The following CXorf58 variants were observed in gnomAD, a reference collection of about 807,000 sequenced individuals.
CXorf58 encodes the protein uncharacterized protein CXorf58.
A neutral mutation model predicts 26.0 loss-of-function variants in CXorf58; 24 were observed. The observed-to-expected ratio is 0.92, with a 90% CI of 0.67 to 1.30. CXorf58 has a LOEUF of 1.30. CXorf58 is among the 50% of genes most tolerant of loss of function. The probability of loss-of-function intolerance (pLI) is 0.00; values close to 1 mark genes in which losing one functional copy is unlikely to be tolerated. For missense variants in CXorf58, 236 were observed against 263.9 expected (o/e 0.89, Z 0.73); for synonymous variants, 87 against 86.1 (o/e 1.01, Z -0.06).
rs376505628 is a variant in CXorf58, at chrX:23,939,067, A to G, written c.940-177A>G. On this transcript the variant is annotated intron_variant, in intron 8 of 8. Transcript: ENST00000379211. ...AACTATGCTTTATAAAGTCTGCCTCAGTATACTTTTACATCATAGGAATTT... is the reference window on the plus strand; with the variant it reads ...AACTATGCTTTATAAAGTCTGCCTCGGTATACTTTTACATCATAGGAATTT... Among the ~76,000 whole-genome samples the G allele has an allele frequency of 3.3e-4, 37 of 112,237 alleles. No homozygotes were observed. In the South Asian group the frequency reaches 0.012, roughly 38 times the overall value.
chrX:23,919,759 C>T (rs148584685), intron 5 of CXorf58, among the ~76,000 whole-genome samples: 6 of 112,103 alleles, frequency 5.4e-5, no homozygotes, highest in African/African-American at 1.6e-4. Flanking sequence ...TTACAGTCTG[C>T]GCTTGTTTGT....
At chrX:23,916,978 GTTATTA>G (rs1291838099) in intron 5 of CXorf58, among the ~76,000 whole-genome samples, 2 of 110,002 alleles carry the variant, frequency 1.8e-5, no homozygotes, top group Non-Finnish European at 3.8e-5. Context: ...TTAATGGAAT[GTTATTA>G]TTTCTTTGAT....
intron 8 of CXorf58, among the ~76,000 whole-genome samples, 195 bp downstream of exon 8, chrX:23,938,895 A>G (rs1333640368): frequency 8.9e-6 from 1 of 111,886 alleles, no homozygotes; most frequent in Non-Finnish European, 1.9e-5. Flanking sequence ...ATTGGTGGCA[A>G]TTCTGATAAA....
chrX:23,935,526 A>C, intron 7 of CXorf58, 101 bp downstream of exon 7: 1 of 607,774 alleles, frequency 1.6e-6, no homozygotes, highest in East Asian at 3.5e-5. Flanking sequence ...TATATGGGGA[A>C]AATAGGGTTG....
intron 6 of CXorf58, among the ~76,000 whole-genome samples, chrX:23,929,137 C>G (rs1928088176): frequency 9.0e-6 from 1 of 110,894 alleles, no homozygotes. Flanking sequence ...ATTAAACCAG[C>G]CACTCACGCC....
At chrX:23,914,903 G>A (rs1178240670) in intron 3 of CXorf58, among the ~76,000 whole-genome samples, 1 of 110,859 alleles carries the variant, frequency 9.0e-6, no homozygotes, top group Non-Finnish European at 1.9e-5. Context: ...GGGAGGCTGA[G>A]GCGTGCGGCT....
intron 8 of CXorf58, 58 bp from the exon 9 acceptor site, chrX:23,939,186 T>C: frequency 2.7e-6 from 2 of 750,954 alleles, no homozygotes; most frequent in Non-Finnish European, 4.0e-6. Context: ...CATTAAAATA[T>C]AAAGTAGTAA....
chrX:23,923,371 G>A (rs1927917295), intron 5 of CXorf58, among the ~76,000 whole-genome samples: 1 of 110,000 alleles, frequency 9.1e-6, no homozygotes, highest in South Asian at 3.9e-4. Context: ...GTGTAGGGAG[G>A]ACCTGTCAAT....
chrX:23,909,763 A>G (rs945778483), intron 1 of CXorf58, among the ~76,000 whole-genome samples: 6 of 112,223 alleles, frequency 5.3e-5, no homozygotes, highest in African/African-American at 1.9e-4. Flanking sequence ...TCAGAAATTT[A>G]GTGTATACCC....
chrX:23,918,403 A>C (rs1237581966), intron 5 of CXorf58, among the ~76,000 whole-genome samples: 2 of 112,072 alleles, frequency 1.8e-5, no homozygotes, highest in Non-Finnish European at 3.8e-5. Context: ...ACAGATTAAC[A>C]CAGATTGCTT....
At chrX:23,936,232 T>A (rs1928294922) in intron 7 of CXorf58, among the ~76,000 whole-genome samples, 1 of 111,112 alleles carries the variant, frequency 9.0e-6, no homozygotes. Flanking sequence ...TTGATGCAGG[T>A]GCTCATTTTT....
chrX:23,931,845 T>A (rs1331303202), intron 6 of CXorf58, among the ~76,000 whole-genome samples: 1 of 112,107 alleles, frequency 8.9e-6, no homozygotes, highest in Non-Finnish European at 1.9e-5. Flanking sequence ...CATTAAAAAC[T>A]CTTTTGCTGT....
rs1288755331 is a variant in CXorf58 at position 23,927,287 on chromosome X, A to G, written c.472A>G (p.Ile158Val). The G allele has an allele frequency of 8.6e-7, 1 of 1,164,257 alleles. No individual in the cohort carries two copies. The highest frequency in any genetic ancestry group is 1.2e-6 in the Non-Finnish European group (1 of 861,541). ...KLMGERKFHR[I>V]IMEDERIFPK... Reference sequence around the variant, plus strand: ...AATGGGGGAAAGGAAATTTCACCGTATAATTATGGAAGATGAACGTATTTT... The same window carrying G: ...AATGGGGGAAAGGAAATTTCACCGTGTAATTATGGAAGATGAACGTATTTT... The change falls in exon 6 of 9, where the codon ATA becomes GTA. Residue 158 changes from isoleucine to valine, a missense_variant. Physicochemically the swap from Ile to Val is conservative, Grantham distance 29 (BLOSUM62 3). Transcript: ENST00000379211.
chrX:23,934,301 A>G (rs773657445), intron 6 of CXorf58, among the ~76,000 whole-genome samples: 1 of 105,866 alleles, frequency 9.4e-6, no homozygotes, highest in South Asian at 3.7e-4. Flanking sequence ...AGAGATCCCA[A>G]TAAAATTCAG....
Position 23,935,232 on chromosome X carries a change from G to C in CXorf58, c.592G>C (p.Gly198Arg). 1 of 1,210,787 alleles carries C rather than the reference G, an allele frequency of 8.3e-7. No individual in the cohort carries two copies. Among genetic ancestry groups the C allele is most frequent in the South Asian group, 1.8e-5 (1 of 56,894 alleles). ...SFFDEAPAFS[G>R]GRNNSWRKLN... ...TTTCGATGAGGCCCCTGCATTTTCT[G>C]GCGGCAGAAATAACAGCTGGCGCAA... The change falls in exon 7 of 9, where the codon GGC (glycine) becomes CGC (arginine). Residue 198 changes from glycine (G) to arginine (R), a missense_variant. Transcript: ENST00000379211.
chrX:23,938,579 G>A lies in CXorf58; in HGVS notation c.818G>A (p.Arg273Gln). ...TACTTAACTGTCCAACCTCTATATC[G>A]GCCCTACAAACAGCAAAATCAAGTT... The part of the protein sequence containing the change: ...GPYLTVQPLY[R>Q]PYKQQNQVKF... The change falls in exon 8 of 9, where the codon CGG becomes CAG. Residue 273 changes from arginine to glutamine, a missense_variant. Coordinates refer to ENST00000379211, the MANE Select transcript of CXorf58 (RefSeq NM_152761.3). 5 of 1,189,699 alleles carry A rather than the reference G, an allele frequency of 4.2e-6. No individual in the cohort carries two copies. Among genetic ancestry groups the A allele is most frequent in the South Asian group, 3.8e-5 (2 of 53,164 alleles).
At chrX:23,910,168 C>G in intron 1 of CXorf58, 115 bp from the exon 2 acceptor site, 1 of 401,528 alleles carries the variant, frequency 2.5e-6, no homozygotes, top group South Asian at 4.3e-5. Context: ...ATCCACAATG[C>G]CTTCCTTTTT....
intron 3 of CXorf58, among the ~76,000 whole-genome samples, chrX:23,914,265 T>C (rs1259064256): frequency 1.8e-5 from 2 of 110,079 alleles, no homozygotes; most frequent in Admixed American, 9.7e-5. Flanking sequence ...TTTGTATTTT[T>C]AGTAGAGATG....
intron 6 of CXorf58, among the ~76,000 whole-genome samples, chrX:23,930,196 CAAAAAAAAAAAAA>C (rs752970734): frequency 5.4e-5 from 2 of 36,778 alleles, no homozygotes; most frequent in African/African-American, 2.6e-4. Context: ...GACTCTGTCT[CAAAAAAAAAAAAA>C]AAAAAAAAGA....
Sources: gnomAD v4.1 joint callset for allele counts (sites outside exome capture counted in the v4.1 genomes callset) on GRCh38, gnomAD v4.1.1 for gene constraint, MANE v1.5 for transcripts, NCBI Gene and HGNC (gene_info 2026-07-23, HGNC 2026-07-21) for gene names.